Variants in MAF observed in about 807,000 individuals in gnomAD.
The protein encoded by MAF is transcription factor Maf.
In MAF, 10 loss-of-function variants were observed where a neutral mutation model predicts 22.0. The observed-to-expected ratio is 0.45, with a 90% CI of 0.28 to 0.77. MAF has a LOEUF of 0.77. Ranked by LOEUF, MAF falls within the 30% of genes least tolerant of loss-of-function variation. MAF has a pLI of 0.12. For synonymous variants in MAF, 337 were observed against 255.8 expected (o/e 1.32, Z -3.03); for missense variants, 544 against 548.4 (o/e 0.99, Z 0.08).
At chr16:79,564,391 C>A in the MAF span, among the ~76,000 whole-genome samples, 1 of 152,076 alleles carries the variant, frequency 6.6e-6, no homozygotes, top group East Asian at 1.9e-4. Flanking sequence ...AGTTTATAGC[C>A]GAATAAGGTC....
the MAF span, among the ~76,000 whole-genome samples, chr16:79,511,046 C>G: frequency 6.6e-6 from 1 of 152,224 alleles, no homozygotes; most frequent in Non-Finnish European, 1.5e-5. Context: ...GCAGCGGCAG[C>G]TGGGAGGCCA....
chr16:79,271,864 G>T, the MAF span, among the ~76,000 whole-genome samples: 1 of 152,230 alleles, frequency 6.6e-6, no homozygotes, highest in Non-Finnish European at 1.5e-5. Flanking sequence ...AGAAGGTGCT[G>T]CCTGTAACAG....
the MAF span, among the ~76,000 whole-genome samples, chr16:79,242,859 T>C: frequency 6.6e-6 from 1 of 152,036 alleles, no homozygotes; most frequent in Non-Finnish European, 1.5e-5. Flanking sequence ...TCTCTCAGAC[T>C]ACAGTGCAAT....
chr16:79,343,855 GT>G, the MAF span, among the ~76,000 whole-genome samples: 1 of 152,146 alleles, frequency 6.6e-6, no homozygotes, highest in Admixed American at 6.5e-5. Context: ...TGCACACTCT[GT>G]TTTTTCTTGA....
chr16:79,404,179 T>G, the MAF span, among the ~76,000 whole-genome samples: 1 of 150,964 alleles, frequency 6.6e-6, no homozygotes, highest in East Asian at 1.9e-4. Flanking sequence ...TTTTTTTTTT[T>G]TTTCAGATGG....
chr16:79,294,366 T>C, the MAF span, among the ~76,000 whole-genome samples: 1 of 152,196 alleles, frequency 6.6e-6, no homozygotes, highest in South Asian at 2.1e-4. Context: ...CTTTGATCAA[T>C]AGGGCTTGTT....
the MAF span, among the ~76,000 whole-genome samples, chr16:79,560,155 C>T: frequency 6.6e-6 from 1 of 152,126 alleles, no homozygotes; most frequent in Non-Finnish European, 1.5e-5. Flanking sequence ...AAGCAATTCT[C>T]CTGCCTCGGC....
the MAF span, among the ~76,000 whole-genome samples, chr16:79,505,260 G>C: frequency 6.6e-6 from 1 of 152,094 alleles, no homozygotes; most frequent in Non-Finnish European, 1.5e-5. Context: ...ATGTAATCTG[G>C]AAATCCTGAT....
chr16:79,221,060 G>A, the MAF span, among the ~76,000 whole-genome samples: 1 of 152,236 alleles, frequency 6.6e-6, no homozygotes, highest in African/African-American at 2.4e-5. Flanking sequence ...GGGTCAGCTC[G>A]TTTTGCCAGC....
intron 1 of MAF, chr16:79,597,921 ATG>A: frequency 9.6e-7 from 1 of 1,039,084 alleles, no homozygotes; most frequent in Non-Finnish European, 1.2e-6. Flanking sequence ...AGTTTTTTTA[ATG>A]GCAGACTAAA....
At chr16:79,596,479 T>C (rs956719697) in intron 1 of MAF, 1 of 1,050,384 alleles carries the variant, frequency 9.5e-7, no homozygotes, top group African/African-American at 1.7e-5. Context: ...GAGTACAGAA[T>C]CAAAAAAAAA....
At chr16:79,357,095 A>G in the MAF span, among the ~76,000 whole-genome samples, 1 of 152,206 alleles carries the variant, frequency 6.6e-6, no homozygotes, top group South Asian at 2.1e-4. Flanking sequence ...CATCTCTACT[A>G]GAAATACAAA....
intron 1 of MAF, 194 bp downstream of exon 1, chr16:79,598,591 T>G: frequency 6.8e-7 from 1 of 1,461,470 alleles, no homozygotes. Context: ...GGTGTGTGTG[T>G]GTGTGTGTGT....
chr16:79,598,165 C>T (rs1020127609), intron 1 of MAF: 5 of 976,766 alleles, frequency 5.1e-6, no homozygotes, highest in Non-Finnish European at 6.2e-6. Flanking sequence ...AAAAACTTTG[C>T]TTTTTTTTTT....
chr16:79,571,330 T>G, the MAF span, among the ~76,000 whole-genome samples: 1 of 152,062 alleles, frequency 6.6e-6, no homozygotes, highest in Admixed American at 6.6e-5. Context: ...AGATACACTT[T>G]CATTTTCCAA....
chr16:79,225,132 C>T, the MAF span, among the ~76,000 whole-genome samples: 1 of 152,156 alleles, frequency 6.6e-6, no homozygotes, highest in South Asian at 2.1e-4. Flanking sequence ...GCTACAATAA[C>T]TAAAAAGCAT....
chr16:79,379,479 C>T, the MAF span, among the ~76,000 whole-genome samples: 12 of 148,842 alleles, frequency 8.1e-5, no homozygotes, highest in East Asian at 3.9e-4. Context: ...AGAAGTAGTA[C>T]GGCTCTTGAT....
chr16:79,396,101 C>G, the MAF span, among the ~76,000 whole-genome samples: 2 of 152,256 alleles, frequency 1.3e-5, no homozygotes, highest in African/African-American at 4.8e-5. Context: ...ATCCCTTATG[C>G]GTAGAGGATC....
the MAF span, among the ~76,000 whole-genome samples, chr16:79,507,966 C>T: frequency 4.6e-5 from 7 of 152,074 alleles, no homozygotes; most frequent in East Asian, 1.4e-3. Flanking sequence ...GGGGAAAGGG[C>T]CTATTTGGTG....
Sources: gnomAD v4.1 joint callset for allele counts (sites outside exome capture counted in the v4.1 genomes callset) on GRCh38, gnomAD v4.1.1 for gene constraint, MANE v1.5 for transcripts, NCBI Gene and HGNC (gene_info 2026-07-23, HGNC 2026-07-21) for gene names.